SIK3: variants seen among roughly 807,000 people sequenced by gnomAD.
SIK3 encodes SIK family kinase 3.
SIK3 carries 28 observed loss-of-function variants against 144.2 expected under a neutral mutation model. That is an observed-to-expected ratio of 0.19 (90% confidence interval 0.14 to 0.27). The LOEUF (loss-of-function observed/expected upper bound fraction) is 0.27, where lower values mean the gene tolerates loss of function less well. SIK3 is among the 10% of genes least tolerant of loss of function. SIK3 has a pLI of 1.00. For synonymous variants in SIK3, 686 were observed against 676.3 expected (o/e 1.01, Z -0.22); for missense variants, 1,319 against 1,776.0 (o/e 0.74, Z 4.62).
At chr11:117,024,132 A>G (rs1280416737) in intron 1 of SIK3, among the ~76,000 whole-genome samples, 2 of 152,088 alleles carry the variant, frequency 1.3e-5, no homozygotes, top group Non-Finnish European at 2.9e-5. Context: ...CCCTTCCTCT[A>G]AAAACAAGGG....
At chr11:117,019,143 C>T (rs887948671) in intron 1 of SIK3, among the ~76,000 whole-genome samples, 11 of 152,046 alleles carry the variant, frequency 7.2e-5, no homozygotes, top group Non-Finnish European at 8.8e-5. Flanking sequence ...CCTCAGCCTC[C>T]CAAGTAGCTG....
intron 1 of SIK3, among the ~76,000 whole-genome samples, chr11:117,063,655 G>A (rs563257685): frequency 1.3e-5 from 2 of 149,408 alleles, no homozygotes; most frequent in South Asian, 2.1e-4. Context: ...GCATGATCTC[G>A]GCTCACTGCA....
intron 3 of SIK3, among the ~76,000 whole-genome samples, chr11:116,947,261 A>ATT (rs1172963642): frequency 3.0e-5 from 3 of 101,360 alleles, no homozygotes; most frequent in South Asian, 5.6e-4. Context: ...TTATTTATAT[A>ATT]TTATATATAT....
rs554256774 is a variant in SIK3, at chr11:116,913,781, T to C, written c.616+13438A>G. The stretch of plus-strand genomic sequence containing the variant: ...CCTTTTATAGAACAGGATGAATCAG[T>C]GTCCCCTTAAATTCTCTTGAATCAC... On this transcript the variant is annotated intron_variant, in intron 4 of 24. Coordinates refer to ENST00000445177, the MANE Select transcript of SIK3 (RefSeq NM_001366686.3). Among the ~76,000 whole-genome samples, 332 of 152,250 alleles carry C rather than the reference T, an allele frequency of 2.2e-3. 1 individual carries two copies. The highest frequency in any genetic ancestry group is 3.5e-3 in the Non-Finnish European group (241 of 68,020).
At chr11:116,884,228 T>C (rs1163227974) in intron 6 of SIK3, among the ~76,000 whole-genome samples, 1 of 152,128 alleles carries the variant, frequency 6.6e-6, no homozygotes, top group Non-Finnish European at 1.5e-5. Flanking sequence ...TGGAGTCTCA[T>C]TCTGTTGGCC....
chr11:117,044,365 T>A (rs1264653136), intron 1 of SIK3, among the ~76,000 whole-genome samples: 2 of 152,170 alleles, frequency 1.3e-5, no homozygotes, highest in African/African-American at 4.8e-5. Flanking sequence ...CACAGCAAGG[T>A]ATAGTATCTC....
chr11:116,898,748 T>A (rs1228405033), intron 4 of SIK3, among the ~76,000 whole-genome samples: 315 of 151,424 alleles, frequency 2.1e-3, no homozygotes, highest in Admixed American at 3.4e-3. Flanking sequence ...TTTTTTCATG[T>A]GTTTTTTGGC....
At chr11:116,908,371 C>T (rs1280074573) in intron 4 of SIK3, among the ~76,000 whole-genome samples, 2 of 151,996 alleles carry the variant, frequency 1.3e-5, no homozygotes, top group East Asian at 1.9e-4. Flanking sequence ...CCCAGCTACT[C>T]GAGAGGCTGA....
chr11:116,886,129 G>C (rs1421145087), intron 6 of SIK3, among the ~76,000 whole-genome samples: 3 of 152,194 alleles, frequency 2.0e-5, no homozygotes, highest in Non-Finnish European at 4.4e-5. Flanking sequence ...CTGGTTTTTA[G>C]TTATGTTAGG....
chr11:116,918,606 A>T (rs1946794308), intron 4 of SIK3, among the ~76,000 whole-genome samples: 1 of 152,132 alleles, frequency 6.6e-6, no homozygotes, highest in East Asian at 1.9e-4. Flanking sequence ...GAGTAAGAGG[A>T]ATCTATGGTT....
chr11:116,879,622 A>G (rs192908028), intron 6 of SIK3, among the ~76,000 whole-genome samples: 1 of 152,352 alleles, frequency 6.6e-6, no homozygotes, highest in Non-Finnish European at 1.5e-5. Flanking sequence ...AGTAACTAAG[A>G]TAAATTACTC....
intron 4 of SIK3, among the ~76,000 whole-genome samples, chr11:116,916,502 A>G (rs1386832023): frequency 6.7e-6 from 1 of 149,380 alleles, no homozygotes; most frequent in Non-Finnish European, 1.5e-5. Flanking sequence ...TTTCTATAAT[A>G]TCACATCAAA....
intron 1 of SIK3, among the ~76,000 whole-genome samples, chr11:117,084,609 T>C (rs1435759396): frequency 1.3e-5 from 2 of 152,136 alleles, no homozygotes; most frequent in Non-Finnish European, 2.9e-5. Context: ...TAATTAACTG[T>C]TTTTTTCCCA....
At chr11:116,880,274 T>C (rs978063881) in intron 6 of SIK3, among the ~76,000 whole-genome samples, 2 of 151,782 alleles carry the variant, frequency 1.3e-5, no homozygotes, top group African/African-American at 4.9e-5. Context: ...TTAACCATTA[T>C]TTGGCCTCAG....
chr11:116,916,962 G>GT (rs1461976781), intron 4 of SIK3, among the ~76,000 whole-genome samples: 6 of 150,562 alleles, frequency 4.0e-5, no homozygotes, highest in Admixed American at 1.3e-4. Context: ...AAATTTTATT[G>GT]TTTTTTTTAA....
intron 3 of SIK3, among the ~76,000 whole-genome samples, chr11:116,943,912 T>TA (rs34561422): frequency 0.019 from 2,818 of 144,814 alleles, 35 homozygotes; most frequent in African/African-American, 0.03. Flanking sequence ...CATTTAAAAG[T>TA]AAAAAAAAAA....
rs138847775 is a variant in SIK3, at chr11:116,878,386, T to C, written c.866-1344A>G. 1.1e-3 allele frequency among the ~76,000 whole-genome samples: 164 copies of C among 151,756 alleles called. 1 individual carries two copies. The highest frequency in any genetic ancestry group is 0.01 in the Middle Eastern group (3 of 294). Reference sequence around the variant, plus strand: ...GCTCCTACTTCTCTCTCTCCCTTTTTTTTTTTTTTTTACATAGAGTCTCGC... The same window carrying C: ...GCTCCTACTTCTCTCTCTCCCTTTTCTTTTTTTTTTTACATAGAGTCTCGC... On this transcript the variant is annotated intron_variant, in intron 6 of 24. Transcript: ENST00000445177.
chr11:116,884,217 A>C (rs891761243), intron 6 of SIK3, among the ~76,000 whole-genome samples: 2 of 152,060 alleles, frequency 1.3e-5, no homozygotes, highest in South Asian at 4.2e-4. Flanking sequence ...TTATTTTGAA[A>C]TGGAGTCTCA....
intron 1 of SIK3, among the ~76,000 whole-genome samples, chr11:117,013,915 G>GGGGGTGTGTGT (rs1206309055): frequency 4.2e-5 from 1 of 23,616 alleles, no homozygotes; most frequent in Non-Finnish European, 1.3e-4. Context: ...GGGGGGGGAG[G>GGGGGTGTGTGT]GTGTGTGTGT....
Sources: gnomAD v4.1 joint callset for allele counts (sites outside exome capture counted in the v4.1 genomes callset) on GRCh38, gnomAD v4.1.1 for gene constraint, MANE v1.5 for transcripts, NCBI Gene and HGNC (gene_info 2026-07-23, HGNC 2026-07-21) for gene names.